DAO: variants seen among roughly 807,000 people sequenced by gnomAD.
DAO encodes D-amino-acid oxidase.
A neutral mutation model predicts 50.1 loss-of-function variants in DAO; 51 were observed. The ratio of observed to expected loss-of-function variants is 1.02; its 90% CI spans 0.81 to 1.29. The LOEUF (loss-of-function observed/expected upper bound fraction) is 1.29. Among genes scored for constraint, DAO ranks in the 50% most tolerant of loss-of-function variants. DAO has a pLI of 0.00. For missense variants in DAO, 436 were observed against 439.4 expected (o/e 0.99, Z 0.07); for synonymous variants, 160 against 166.2 (o/e 0.96, Z 0.29).
At chr12:108,898,209 C>T in intron 8 of DAO, among the ~76,000 whole-genome samples, 1 of 152,012 alleles carries the variant, frequency 6.6e-6, no homozygotes, top group East Asian at 1.9e-4. Flanking sequence ...TGGTCTGGTG[C>T]TGATGAGGAG....
Position 108,894,363 on chromosome 12 carries a change from T to C in DAO, c.608T>C (p.Met203Thr), listed in dbSNP as rs758205328. 2.5e-6 allele frequency: 4 copies of C among 1,612,282 alleles called. No homozygotes were observed. In the African/African-American group the frequency reaches 4.0e-5, roughly 16 times the overall value. The change falls in exon 7 of 11, where the codon ATG becomes ACG. Residue 203 changes from methionine (M) to threonine (T), a missense_variant. Met to Thr is a moderately conservative substitution (Grantham distance 81, BLOSUM62 -1). Coordinates refer to ENST00000228476, the MANE Select transcript of DAO (RefSeq NM_001917.5). ...CTGCAGCCAGGCCGGGGGCAGATCA[T>C]GAAGGTGAGTGTGAGGGTGAGACCC... Reference protein sequence around the residue: ...PLLQPGRGQIMKVDAPWMKHF... With the variant: ...PLLQPGRGQITKVDAPWMKHF...
chr12:108,889,180 A>G (rs530370960), intron 3 of DAO, among the ~76,000 whole-genome samples: 1 of 151,270 alleles, frequency 6.6e-6, no homozygotes, highest in Non-Finnish European at 1.5e-5. Context: ...ATTTCGGCTT[A>G]CTGCAACCTC....
intron 6 of DAO, among the ~76,000 whole-genome samples, chr12:108,893,271 T>C (rs2039511570): frequency 6.6e-6 from 1 of 152,188 alleles, no homozygotes; most frequent in African/African-American, 2.4e-5. Flanking sequence ...GATTTATATC[T>C]GAGACTCAAT....
In DAO at chr12:108,894,251, G is replaced by A. The variant is rs774137595; in HGVS notation, c.508-12G>A. ...ACCTTTCATCCCCCACTACCCTGTT[G>A]GTTGCTACCAGGTGGCAAGAGAAGG... On this transcript the variant is annotated splice_polypyrimidine_tract_variant and intron_variant, in intron 6 of 10. Coordinates refer to ENST00000228476, the MANE Select transcript of DAO (RefSeq NM_001917.5). 9.9e-6 allele frequency: 16 copies of A among 1,608,510 alleles called. No homozygotes were observed. The Admixed American group carries it at 1.5e-4, about 15-fold the overall frequency.
At chr12:108,881,639 T>C (rs1217132449) in intron 1 of DAO, among the ~76,000 whole-genome samples, 1 of 146,200 alleles carries the variant, frequency 6.8e-6, no homozygotes, top group Non-Finnish European at 1.5e-5. Context: ...AGTTTCACTC[T>C]TGTCACCTGG....
chr12:108,898,556 A>G, intron 8 of DAO, 123 bp from the exon 9 acceptor site: 1 of 776,366 alleles, frequency 1.3e-6, no homozygotes, highest in Non-Finnish European at 2.4e-6. Flanking sequence ...TGGTGATGAC[A>G]GTGGCAATTG....
intron 7 of DAO, among the ~76,000 whole-genome samples, chr12:108,895,411 GCA>G (rs1486454982): frequency 1.3e-5 from 2 of 149,960 alleles, no homozygotes; most frequent in Admixed American, 6.7e-5. Flanking sequence ...GGGTGTGTGT[GCA>G]TGTGTGTGAG....
chr12:108,884,831 C>T (rs574285929), intron 1 of DAO, among the ~76,000 whole-genome samples, 167 bp from the exon 2 acceptor site: 20 of 152,222 alleles, frequency 1.3e-4, no homozygotes, highest in East Asian at 1.9e-4. Context: ...ATTTGCAAAA[C>T]GGGAACAATG....
chr12:108,896,440 A>AAAAAAAAAAAC (rs2039557956), intron 7 of DAO, among the ~76,000 whole-genome samples: 1 of 151,410 alleles, frequency 6.6e-6, no homozygotes, highest in African/African-American at 2.4e-5. Context: ...AAAAAAAAAA[A>AAAAAAAAAAAC]AATTGAAGGT....
Position 108,886,363 on chromosome 12 carries a change from G to GTGGA in DAO, c.195-1080_195-1077dup, listed in dbSNP as rs551700664. On this transcript the variant is annotated intron_variant, in intron 2 of 10. Coordinates refer to ENST00000228476, the MANE Select transcript of DAO (RefSeq NM_001917.5). ...TCTAAGTGGGTGAACATCTAAGTGG[G>GTGGA]TGGATGGATGCACAGATTTATCAAA... Among the ~76,000 whole-genome samples the GTGGA allele has an allele frequency of 2.8e-4, 42 of 152,024 alleles. 1 individual carries two copies. In the East Asian group the frequency reaches 7.9e-3, roughly 29 times the overall value.
chr12:108,894,189 A>G, intron 6 of DAO, 74 bp from the exon 7 acceptor site: 1 of 1,129,256 alleles, frequency 8.9e-7, no homozygotes, highest in Non-Finnish European at 1.3e-6. Flanking sequence ...GGTAGAAGAA[A>G]GGGGAAGAGA....
intron 1 of DAO, among the ~76,000 whole-genome samples, chr12:108,882,901 G>A (rs549516393): frequency 2.5e-4 from 38 of 152,150 alleles, no homozygotes; most frequent in Non-Finnish European, 4.9e-4. Flanking sequence ...AAAGCCCAGC[G>A]CTTTGGGAGG....
At chr12:108,900,171 A>G (rs571116538) in intron 10 of DAO, 159 of 501,946 alleles carry the variant, frequency 3.2e-4, no homozygotes, top group African/African-American at 2.8e-3. Flanking sequence ...TGTGATTTGA[A>G]TTTGACTCCA....
At chr12:108,890,298 G>A (rs909831957) in intron 5 of DAO, 25 bp downstream of exon 5, 1 of 1,591,864 alleles carries the variant, frequency 6.3e-7, no homozygotes, top group Non-Finnish European at 8.6e-7. Context: ...TTCACTTTGA[G>A]GGAGGTACCT....
chr12:108,896,928 A>T lies in DAO; in HGVS notation c.613-78A>T. The T allele has an allele frequency of 2.8e-6, 3 of 1,064,236 alleles. No individual in the cohort carries two copies. In the South Asian group the frequency reaches 3.7e-5, roughly 13 times the overall value. 65.9% of individuals were successfully genotyped at this position (1,064,236 alleles called of 1,614,324 possible). ...TCAGCCTGGCCACTCTTGTCAGGAC[A>T]TCTGGCCACAGAGGGGAGCAAGGGC... On this transcript the variant is annotated intron_variant, in intron 7 of 10. Transcript: ENST00000228476.
At chr12:108,882,198 GC>G (rs1245676505) in intron 1 of DAO, among the ~76,000 whole-genome samples, 1 of 152,132 alleles carries the variant, frequency 6.6e-6, no homozygotes, top group African/African-American at 2.4e-5. Flanking sequence ...AAGGCAAGGA[GC>G]TTTGTCAGCT....
At chr12:108,889,300 G>A (rs1380638187) in intron 3 of DAO, among the ~76,000 whole-genome samples, 169 bp from the exon 4 acceptor site, 1 of 152,070 alleles carries the variant, frequency 6.6e-6, no homozygotes, top group African/African-American at 2.4e-5. Context: ...AGTATAAACA[G>A]GGTTTCACCA....
intron 7 of DAO, among the ~76,000 whole-genome samples, chr12:108,896,398 G>A (rs1390100759): frequency 1.6e-5 from 2 of 125,218 alleles, no homozygotes; most frequent in African/African-American, 3.2e-5. Flanking sequence ...ACTCCAGCCT[G>A]GCAACAGAGC....
At chr12:108,880,308 A>C (rs1160020383) in intron 1 of DAO, 84 bp downstream of exon 1, 1 of 365,448 alleles carries the variant, frequency 2.7e-6, no homozygotes, top group Non-Finnish European at 5.5e-6. Flanking sequence ...CCAATGTCAA[A>C]GACAGGGCTC....
Sources: gnomAD v4.1 joint callset for allele counts (sites outside exome capture counted in the v4.1 genomes callset) on GRCh38, gnomAD v4.1.1 for gene constraint, MANE v1.5 for transcripts, NCBI Gene and HGNC (gene_info 2026-07-23, HGNC 2026-07-21) for gene names.